Variants in RXFP1 observed in about 807,000 individuals in gnomAD.
RXFP1 encodes relaxin receptor 1.
In RXFP1, 73 loss-of-function variants were observed where a neutral mutation model predicts 89.8. The observed-to-expected ratio is 0.81, with a 90% CI of 0.67 to 0.99. The LOEUF is 0.99. RXFP1 is among the 50% of genes least tolerant of loss of function. RXFP1 has a pLI of 0.00. For missense variants in RXFP1, 793 were observed against 895.5 expected, an observed-to-expected ratio of 0.89 and a Z score of 1.46; for synonymous variants, 277 against 305.5, an observed-to-expected ratio of 0.91 and a Z score of 0.97.
chr4:158,646,204 A>G (rs1771515171), intron 15 of RXFP1: 1 of 294,814 alleles, frequency 3.4e-6, no homozygotes, highest in Non-Finnish European at 6.7e-6. Flanking sequence ...GAGAGAGAAA[A>G]CAGTTTTGCT....
intron 1 of RXFP1, among the ~76,000 whole-genome samples, chr4:158,525,605 G>GA (rs1282037026): frequency 6.6e-6 from 1 of 152,204 alleles, no homozygotes; most frequent in Non-Finnish European, 1.5e-5. Context: ...CTTTCTGTCT[G>GA]AAAAACTGTA....
intron 1 of RXFP1, among the ~76,000 whole-genome samples, chr4:158,536,358 G>A (rs558606116): frequency 6.6e-6 from 1 of 152,114 alleles, no homozygotes; most frequent in East Asian, 1.9e-4. Context: ...TTTCTCATTT[G>A]TATTTTCCTT....
chr4:158,564,796 T>C (rs1450375734), intron 1 of RXFP1, among the ~76,000 whole-genome samples: 1 of 152,224 alleles, frequency 6.6e-6, no homozygotes, highest in Non-Finnish European at 1.5e-5. Context: ...ATTTTTTCTA[T>C]TGATTTGTGT....
At chr4:158,543,297 A>G (rs1230337420) in intron 1 of RXFP1, among the ~76,000 whole-genome samples, 1 of 152,190 alleles carries the variant, frequency 6.6e-6, no homozygotes. Flanking sequence ...GTCACTCCAG[A>G]CATCAAGTTC....
chr4:158,527,552 C>CAAAA lies in RXFP1; in HGVS notation c.49+5537_49+5540dup, dbSNP rs759769435. ...GAGTGAGACTCCATCTCCCCCGCTCCAAAAAAAAAAAAATATATATATATA... is the reference window on the plus strand; with the variant it reads ...GAGTGAGACTCCATCTCCCCCGCTCCAAAAAAAAAAAAAAAAATATATATATATA... On this transcript the variant is annotated intron_variant, in intron 1 of 17. Transcript: ENST00000307765. 1.1e-3 allele frequency among the ~76,000 whole-genome samples: 115 copies of CAAAA among 104,102 alleles called. 1 individual carries two copies. In the South Asian group the frequency reaches 0.021, roughly 19 times the overall value. The allele number at this position is 104,102 out of a possible 152,430, so 68.3% of individuals were successfully genotyped here.
At chr4:158,637,651 T>C (rs1425621875) in intron 12 of RXFP1, among the ~76,000 whole-genome samples, 1 of 152,192 alleles carries the variant, frequency 6.6e-6, no homozygotes, top group East Asian at 1.9e-4. Context: ...ACCAGATATA[T>C]GATTTGCAAA....
At chr4:158,580,298 G>A (rs954151528) in intron 2 of RXFP1, among the ~76,000 whole-genome samples, 1 of 152,130 alleles carries the variant, frequency 6.6e-6, no homozygotes, top group South Asian at 2.1e-4. Flanking sequence ...CATATCAAAG[G>A]CATGCTCTGA....
At position 158,646,938 on chromosome 4, in the gene RXFP1, T is replaced by G; in HGVS notation, c.1493T>G (p.Val498Gly). Residue 498 changes from valine to glycine, a missense_variant, in exon 16 of 18, where the codon GTA becomes GGA. Coordinates refer to ENST00000307765, the MANE Select transcript of RXFP1 (RefSeq NM_021634.4). ...TCTTTGGCCATTCTGTCCACAGAAG[T>G]ATCAGTTTTACTGTTAACATTTCTG... Reference protein sequence around the residue: ...VGSLAILSTEVSVLLLTFLTL... With the variant: ...VGSLAILSTEGSVLLLTFLTL... 1 of 1,614,236 alleles carries G rather than the reference T, an allele frequency of 6.2e-7. No individual in the cohort carries two copies. Among genetic ancestry groups the G allele is most frequent in the Non-Finnish European group, 8.5e-7 (1 of 1,180,026 alleles).
chr4:158,558,262 A>C (rs1751728970), intron 1 of RXFP1, among the ~76,000 whole-genome samples: 2 of 152,204 alleles, frequency 1.3e-5, no homozygotes, highest in South Asian at 4.1e-4. Flanking sequence ...TGCTTGGTGC[A>C]TACATTTGCA....
chr4:158,545,248 T>C (rs1747981584), intron 1 of RXFP1, among the ~76,000 whole-genome samples: 1 of 152,138 alleles, frequency 6.6e-6, no homozygotes, highest in Non-Finnish European at 1.5e-5. Context: ...AAATGTCTTC[T>C]TTTGAGAAGT....
At chr4:158,580,249 G>A in intron 2 of RXFP1, among the ~76,000 whole-genome samples, 1 of 152,138 alleles carries the variant, frequency 6.6e-6, no homozygotes, top group Admixed American at 6.5e-5. Context: ...GGGTGTGTGG[G>A]CTAATCAGAG....
intron 1 of RXFP1, among the ~76,000 whole-genome samples, chr4:158,563,448 A>T (rs1355355973): frequency 6.6e-6 from 1 of 151,368 alleles, no homozygotes; most frequent in Non-Finnish European, 1.5e-5. Context: ...TCATTTACTA[A>T]TGAGGGAACC....
chr4:158,593,331 C>A, intron 2 of RXFP1, 70 bp from the exon 3 acceptor site: 3 of 860,650 alleles, frequency 3.5e-6, no homozygotes, highest in Admixed American at 2.4e-5. Context: ...AAAGAGAGGA[C>A]CTGTCTCCCC....
At chr4:158,542,616 C>T (rs1747087701) in intron 1 of RXFP1, among the ~76,000 whole-genome samples, 1 of 152,264 alleles carries the variant, frequency 6.6e-6, no homozygotes, top group Admixed American at 6.5e-5. Context: ...TAATTGTTGT[C>T]AGCCAGTCTT....
intron 4 of RXFP1, among the ~76,000 whole-genome samples, chr4:158,599,747 G>C (rs376501861): frequency 1.3e-5 from 2 of 151,972 alleles, no homozygotes; most frequent in African/African-American, 4.8e-5. Context: ...CTATTACATA[G>C]AGCTTTCCTA....
chr4:158,619,514 CT>C (rs1765204740), intron 9 of RXFP1, among the ~76,000 whole-genome samples: 1 of 152,150 alleles, frequency 6.6e-6, no homozygotes, highest in Non-Finnish European at 1.5e-5. Context: ...GTGTGGGCTA[CT>C]ATAGTGCTTT....
At chr4:158,529,290 G>C (rs1743418889) in intron 1 of RXFP1, among the ~76,000 whole-genome samples, 1 of 149,848 alleles carries the variant, frequency 6.7e-6, no homozygotes, top group South Asian at 2.1e-4. Flanking sequence ...ACAGGGTTTT[G>C]CTCTGTGGCC....
rs968255810 is a variant in RXFP1, at chr4:158,652,054, G to A, written c.2273G>A (p.Ter758=). 1 of 1,602,082 alleles carries A rather than the reference G, an allele frequency of 6.2e-7. No individual in the cohort carries two copies. Among genetic ancestry groups the A allele is most frequent in the Admixed American group, 1.7e-5 (1 of 58,930 alleles). Residue 758 remains the stop codon, a stop_retained_variant, in exon 18 of 18, where the codon TGA becomes TAA. Coordinates refer to ENST00000307765, the MANE Select transcript of RXFP1 (RefSeq NM_021634.4). The stretch of plus-strand genomic sequence containing the variant: ...TCAACGAGACTCAATTCCTATTCAT[G>A]ACTGACTCTGAAATTCATTTCTTCG... ...SQSTRLNSYS[*]
chr4:158,575,680 C>A (rs1327286061), intron 2 of RXFP1, among the ~76,000 whole-genome samples: 1 of 152,140 alleles, frequency 6.6e-6, no homozygotes, highest in Non-Finnish European at 1.5e-5. Context: ...AGACATGACT[C>A]CACCAGCACC....
Sources: allele counts gnomAD v4.1 joint callset (sites outside exome capture counted in the v4.1 genomes callset), GRCh38; gene constraint gnomAD v4.1.1; transcripts MANE v1.5; gene names NCBI Gene and HGNC (gene_info 2026-07-23, HGNC 2026-07-21).